Variants in LRRFIP1 observed in about 807,000 individuals in gnomAD.
LRRFIP1 encodes the protein LRR binding FLII interacting protein 1.
Under a neutral mutation model 104.4 loss-of-function variants are expected in LRRFIP1, and 62 were observed. The observed-to-expected ratio is 0.59, with a 90% confidence interval of 0.48 to 0.73. The LOEUF is 0.73. Among genes scored for constraint, LRRFIP1 ranks in the 30% least tolerant of loss-of-function variants. The pLI is 0.00. For missense variants in LRRFIP1, 796 were observed against 824.5 expected, an observed-to-expected ratio of 0.97 and a Z score of 0.42; for synonymous variants, 300 against 299.0, an observed-to-expected ratio of 1.00 and a Z score of -0.03.
rs1170742860 is a variant in LRRFIP1, at chr2:237,655,102, C to CTTT, written c.96+27386_96+27388dup. Among the ~76,000 whole-genome samples the CTTT allele has an allele frequency of 8.9e-3, 519 of 58,290 alleles. 133 individuals are homozygous for CTTT. Among genetic ancestry groups the CTTT allele is most frequent in the African/African-American group, 0.038 (485 of 12,798 alleles). 38.2% of individuals were successfully genotyped at this position (58,290 alleles called of 152,430 possible). ...AGACGAATACCACGTGATCTCACTT[C>CTTT]TTTTTTTTTTTTTTTTTTTTTTTTT... On this transcript the variant is annotated intron_variant, in intron 1 of 23. Coordinates refer to ENST00000308482, the MANE Select transcript of LRRFIP1 (RefSeq NM_001137550.2).
At chr2:237,733,849 AC>A in intron 9 of LRRFIP1, 31 bp downstream of exon 9, 1 of 1,577,110 alleles carries the variant, frequency 6.3e-7, no homozygotes. Flanking sequence ...GCTGCCCCGC[AC>A]CCCCTCCCAC....
intron 19 of LRRFIP1, chr2:237,764,383 A>G: frequency 7.0e-7 from 1 of 1,429,364 alleles, no homozygotes; most frequent in Non-Finnish European, 9.2e-7. Context: ...AGAGCATTCC[A>G]GTAGTATCAA....
At chr2:237,731,197 A>G (rs1575946545) in intron 8 of LRRFIP1, among the ~76,000 whole-genome samples, 1 of 152,194 alleles carries the variant, frequency 6.6e-6, no homozygotes, top group Non-Finnish European at 1.5e-5. Flanking sequence ...AGCCACTCCC[A>G]TGTATCATTG....
Position 237,649,605 on chromosome 2 carries a change from G to A in LRRFIP1, c.96+21865G>A, listed in dbSNP as rs964416709. Among the ~76,000 whole-genome samples, 1 of 152,008 alleles carries A rather than the reference G, an allele frequency of 6.6e-6. No individual in the cohort carries two copies. The highest frequency in any genetic ancestry group is 2.4e-5 in the African/African-American group (1 of 41,442). On this transcript the variant is annotated intron_variant, in intron 1 of 23. Transcript: ENST00000308482. This position sits in a 1 kb window ranked among gnomAD's most constrained non-coding sequence, Gnocchi z 4.1. Reference sequence around the variant, plus strand: ...GGCACACCCAATATAACTTTCACAGGTGTTTTGTTTTTCTGAGAAGAAGGT... The same window carrying A: ...GGCACACCCAATATAACTTTCACAGATGTTTTGTTTTTCTGAGAAGAAGGT...
In LRRFIP1 at chr2:237,749,282, C is replaced by T. The variant is rs916397344; in HGVS notation, c.753C>T (p.Thr251=). 32 of 1,613,696 alleles carry T rather than the reference C, an allele frequency of 2.0e-5. No individual in the cohort carries two copies. Among genetic ancestry groups the T allele is most frequent in the Non-Finnish European group, 2.7e-5 (32 of 1,179,938 alleles). The part of the protein sequence containing the change: ...GTSSRRGSGD[T]SISIDTEASI... ...CCTCTCGGAGAGGCAGCGGAGACACCTCCATCTCCATCGACACCGAGGCAT... is the reference window on the plus strand; with the variant it reads ...CCTCTCGGAGAGGCAGCGGAGACACTTCCATCTCCATCGACACCGAGGCAT... Residue 251 remains threonine, a synonymous_variant, in exon 13 of 24, where the codon ACC becomes ACT. Transcript: ENST00000308482.
At chr2:237,739,392 AT>A in intron 11 of LRRFIP1, 83 bp downstream of exon 11, 2 of 1,160,688 alleles carry the variant, frequency 1.7e-6, no homozygotes, top group Non-Finnish European at 1.2e-6. Flanking sequence ...ACGTCTCCAA[AT>A]TTAGAATATT....
intron 1 of LRRFIP1, among the ~76,000 whole-genome samples, chr2:237,648,212 G>C (rs2085290246): frequency 6.6e-6 from 1 of 151,830 alleles, no homozygotes; most frequent in African/African-American, 2.4e-5. Context: ...CTGAGCCCTA[G>C]CCCTTCCCCT....
chr2:237,751,066 T>C, intron 13 of LRRFIP1, 134 bp from the exon 14 acceptor site: 1 of 604,560 alleles, frequency 1.7e-6, no homozygotes, highest in Non-Finnish European at 2.9e-6. Context: ...TTATTTTCCC[T>C]TAACGCTTAA....
At chr2:237,729,866 A>G (rs2094924267) in intron 8 of LRRFIP1, 1 of 977,220 alleles carries the variant, frequency 1.0e-6, no homozygotes, top group East Asian at 1.1e-4. Context: ...TAAATCTTTC[A>G]CATTCTCTTC....
intron 7 of LRRFIP1, among the ~76,000 whole-genome samples, chr2:237,723,959 C>T (rs1318919842): frequency 6.6e-6 from 1 of 152,088 alleles, no homozygotes; most frequent in Non-Finnish European, 1.5e-5. Context: ...TCTACATTTG[C>T]TTTAAAAGAT....
At chr2:237,749,055 G>A (rs553194034) in intron 12 of LRRFIP1, 144 bp from the exon 13 acceptor site, 5 of 758,370 alleles carry the variant, frequency 6.6e-6, no homozygotes, top group Admixed American at 3.0e-5. Flanking sequence ...AACAGCATGG[G>A]GGAAACTGCC....
chr2:237,757,494 CAG>C lies in LRRFIP1; in HGVS notation c.1171_1172del (p.Arg391GlyfsTer4). 4 of 1,597,376 alleles carry C rather than the reference CAG, an allele frequency of 2.5e-6. No individual in the cohort carries two copies. The highest frequency in any genetic ancestry group is 3.4e-6 in the Non-Finnish European group (4 of 1,171,766). On this transcript the variant is annotated frameshift_variant, in exon 17 of 24. Transcript: ENST00000308482. LOFTEE classifies it high-confidence loss of function. ...QLQQKQASSI[R>X]EISDLQETIE... ...TACAGCAGAAACAGGCGAGTTCTATCAGGGAGATTTCTGATCTTCAGGAAACA... is the reference window on the plus strand; with the variant it reads ...TACAGCAGAAACAGGCGAGTTCTATCGGAGATTTCTGATCTTCAGGAAACA...
rs977581659 is a variant in LRRFIP1, at chr2:237,753,315, C to G, written c.874C>G (p.Leu292Val). 1.3e-6 allele frequency: 2 copies of G among 1,583,198 alleles called. No individual in the cohort carries two copies. Among genetic ancestry groups the G allele is most frequent in the East Asian group, 4.6e-5 (2 of 43,904 alleles). ...MQGLKEMKDS[L>V]AEVEEKYKKA... ...TATGACCTGCTTTCCACAGGACTCTCTAGCAGAAGTTGAAGAGAAATATAA... is the reference window on the plus strand; with the variant it reads ...TATGACCTGCTTTCCACAGGACTCTGTAGCAGAAGTTGAAGAGAAATATAA... Residue 292 changes from leucine (L) to valine (V), a missense_variant, in exon 15 of 24, where the codon CTA becomes GTA. Physicochemically the swap from Leu to Val is conservative, Grantham distance 32. Coordinates refer to ENST00000308482, the MANE Select transcript of LRRFIP1 (RefSeq NM_001137550.2).
intron 1 of LRRFIP1, among the ~76,000 whole-genome samples, chr2:237,696,257 C>T (rs2093177804): frequency 6.6e-6 from 1 of 152,046 alleles, no homozygotes; most frequent in Non-Finnish European, 1.5e-5. Context: ...ACCTGTGATC[C>T]TTCTGTCTTT....
intron 1 of LRRFIP1, among the ~76,000 whole-genome samples, chr2:237,696,425 C>T (rs1031266311): frequency 2.0e-5 from 3 of 152,168 alleles, no homozygotes; most frequent in African/African-American, 4.8e-5. Context: ...TCTCATCGTG[C>T]TTCTAAACTT....
chr2:237,715,736 A>G (rs980922892), intron 3 of LRRFIP1, among the ~76,000 whole-genome samples: 3 of 152,224 alleles, frequency 2.0e-5, no homozygotes, highest in African/African-American at 2.4e-5. Context: ...AATCAAAGCT[A>G]TTTCTGAAAG....
Position 237,734,273 on chromosome 2 carries a change from C to CTTTTT in LRRFIP1, c.489+475_489+479dup, listed in dbSNP as rs71870330. Among the ~76,000 whole-genome samples the CTTTTT allele has an allele frequency of 5.3e-3, 474 of 90,206 alleles. 12 individuals carry two copies. The highest frequency in any genetic ancestry group is 0.021 in the South Asian group (54 of 2,604). The allele number at this position is 90,206 out of a possible 152,430, so 59.2% of individuals were successfully genotyped here. ...GTAGCTATATTGTCTTGTTAATAAC[C>CTTTTT]TTTTTTTTTTTTTTTTTTTTTTTTG... On this transcript the variant is annotated intron_variant, in intron 9 of 23. Transcript: ENST00000308482.
chr2:237,658,374 A>T (rs947012964), intron 1 of LRRFIP1, among the ~76,000 whole-genome samples: 1 of 152,234 alleles, frequency 6.6e-6, no homozygotes, highest in Non-Finnish European at 1.5e-5. Context: ...GTTTATCTAC[A>T]TAATGCAGGT....
chr2:237,693,624 C>G lies in LRRFIP1; in HGVS notation c.97-14920C>G, dbSNP rs1333152707. ...GGAAGAGAGACCCTTGAATCACCAT[C>G]AGGGAAGGGTTCTTGAAAGAAGGAA... is the stretch of plus-strand genomic sequence containing the variant. On this transcript the variant is annotated intron_variant, in intron 1 of 23. Coordinates refer to ENST00000308482, the MANE Select transcript of LRRFIP1 (RefSeq NM_001137550.2). 2.0e-5 allele frequency among the ~76,000 whole-genome samples: 3 copies of G among 152,124 alleles called. No individual in the cohort carries two copies. The East Asian group carries it at 5.8e-4, about 29-fold the overall frequency.
Sources: gnomAD v4.1 joint callset for allele counts (sites outside exome capture counted in the v4.1 genomes callset) on GRCh38, gnomAD v4.1.1 for gene constraint, Gnocchi (gnomAD v3.1) non-coding constraint, MANE v1.5 for transcripts, NCBI Gene and HGNC (gene_info 2026-07-23, HGNC 2026-07-21) for gene names.